Variants in MS4A12 observed in about 807,000 individuals in gnomAD.
MS4A12 encodes membrane-spanning 4-domains subfamily A member 12.
A neutral mutation model predicts 23.7 loss-of-function variants in MS4A12; 28 were observed. The ratio of observed to expected loss-of-function variants is 1.18; its 90% confidence interval spans 0.88 to 1.62. The LOEUF is 1.62. MS4A12 is among the 40% of genes most tolerant of loss of function. The probability of loss-of-function intolerance (pLI) is 0.00; values close to 1 mark genes in which losing one functional copy is unlikely to be tolerated. For synonymous variants in MS4A12, 108 were observed against 110.1 expected (o/e 0.98, Z 0.12); for missense variants, 342 against 327.0 (o/e 1.05, Z -0.35).
chr11:60,494,853 C>T (rs921819386), intron 1 of MS4A12, among the ~76,000 whole-genome samples: 1 of 152,050 alleles, frequency 6.6e-6, no homozygotes. Context: ...ATTTGGCCAC[C>T]GAAACCAGAT....
chr11:60,504,604 A>G (rs2086557173), intron 5 of MS4A12, among the ~76,000 whole-genome samples: 1 of 152,252 alleles, frequency 6.6e-6, no homozygotes, highest in Admixed American at 6.5e-5. Flanking sequence ...ACTGTGGGCT[A>G]CATATATCTT....
At chr11:60,494,991 T>C (rs1004296280) in intron 1 of MS4A12, among the ~76,000 whole-genome samples, 2 of 125,818 alleles carry the variant, frequency 1.6e-5, no homozygotes, top group African/African-American at 6.1e-5. Context: ...CTCAAATGTG[T>C]TTACATTTTT....
At position 60,497,867 on chromosome 11, in the gene MS4A12, A is replaced by G. The variant is rs530114984; in HGVS notation, c.276+273A>G. Reference sequence around the variant, plus strand: ...GCACTGTTACATCTAGCTTGATCTCATTTCTTCAAAGGACTTTTTGGACAA... The same window carrying G: ...GCACTGTTACATCTAGCTTGATCTCGTTTCTTCAAAGGACTTTTTGGACAA... On this transcript the variant is annotated intron_variant, in intron 2 of 6. Transcript: ENST00000016913. 5 of 317,772 alleles carry G rather than the reference A, an allele frequency of 1.6e-5. No homozygotes were observed. The South Asian group carries it at 2.6e-4, about 16-fold the overall frequency. The allele number at this position is 317,772 out of a possible 1,614,324, so 19.7% of individuals were successfully genotyped here. A position where few individuals can be genotyped will look rare whatever the true frequency, so the allele number is the denominator to read the frequency against.
chr11:60,497,179 AGT>A, intron 1 of MS4A12, 132 bp from the exon 2 acceptor site: 1 of 1,037,328 alleles, frequency 9.6e-7, no homozygotes, highest in South Asian at 1.7e-5. Flanking sequence ...TGTTTCTATC[AGT>A]TGTTATGGCC....
At chr11:60,497,924 C>G in intron 2 of MS4A12, 1 of 209,206 alleles carries the variant, frequency 4.8e-6, no homozygotes. Context: ...AGTTACAAGT[C>G]TGGTTTTTGC....
At position 60,507,066 on chromosome 11, in the gene MS4A12, C is replaced by G; in HGVS notation, c.746C>G (p.Pro249Arg). ...PNMYESNPVT[P>R]ASSSAPPRCN... is the part of the protein sequence containing the mutation. ...ATGTATGAAAGCAACCCTGTGACAC[C>G]AGCGTCTTCTTCAGCTCCTCCCAGA... Residue 249 changes from proline to arginine, a missense_variant, in exon 7 of 7, where the codon CCA (proline) becomes CGA (arginine). Pro to Arg is a moderately radical substitution (Grantham distance 103, BLOSUM62 -2). Transcript: ENST00000016913. 2 of 1,614,016 alleles carry G rather than the reference C, an allele frequency of 1.2e-6. No individual in the cohort carries two copies. Among genetic ancestry groups the G allele is most frequent in the Non-Finnish European group, 1.7e-6 (2 of 1,179,916 alleles).
At chr11:60,500,744 G>A (rs1301646663) in intron 2 of MS4A12, among the ~76,000 whole-genome samples, 1 of 152,154 alleles carries the variant, frequency 6.6e-6, no homozygotes. Context: ...TCTTTTAGAG[G>A]CCCTCAGAGA....
chr11:60,506,513 T>C (rs1248727794), intron 5 of MS4A12, among the ~76,000 whole-genome samples: 2 of 152,078 alleles, frequency 1.3e-5, no homozygotes, highest in African/African-American at 4.8e-5. Flanking sequence ...CTAAACAAAA[T>C]AGCCTACTTA....
At chr11:60,501,284 G>A (rs1014713029) in intron 3 of MS4A12, 102 bp downstream of exon 3, 65 of 1,282,804 alleles carry the variant, frequency 5.1e-5, no homozygotes, top group Non-Finnish European at 6.7e-5. Flanking sequence ...CTCATTTCTT[G>A]ATAAAGCCCT....
At chr11:60,495,155 G>C (rs1232877899) in intron 1 of MS4A12, among the ~76,000 whole-genome samples, 2 of 107,600 alleles carry the variant, frequency 1.9e-5, no homozygotes, top group African/African-American at 7.4e-5. Context: ...ACTACACCCG[G>C]CTAATTTTTT....
At chr11:60,494,996 A>ATT (rs11331718) in intron 1 of MS4A12, among the ~76,000 whole-genome samples, 7 of 141,164 alleles carry the variant, frequency 5.0e-5, no homozygotes, top group South Asian at 2.2e-4. Context: ...ATGTGTTTAC[A>ATT]TTTTTTTTTT....
At chr11:60,494,488 T>C (rs1319952394) in intron 1 of MS4A12, among the ~76,000 whole-genome samples, 1 of 152,222 alleles carries the variant, frequency 6.6e-6, no homozygotes, top group East Asian at 1.9e-4. Flanking sequence ...TTCTGGTTAA[T>C]TACTGTACTC....
At chr11:60,504,608 A>G (rs2086557210) in intron 5 of MS4A12, among the ~76,000 whole-genome samples, 3 of 152,262 alleles carry the variant, frequency 2.0e-5, no homozygotes, top group Non-Finnish European at 2.9e-5. Context: ...TGGGCTACAT[A>G]TATCTTAAGA....
intron 2 of MS4A12, 89 bp downstream of exon 2, chr11:60,497,683 T>C (rs771134484): frequency 3.6e-6 from 5 of 1,372,632 alleles, no homozygotes; most frequent in Non-Finnish European, 4.0e-6. Flanking sequence ...TGCTAAAAAG[T>C]TCTGAACGTT....
chr11:60,505,575 T>C (rs988500159), intron 5 of MS4A12, among the ~76,000 whole-genome samples: 10 of 152,120 alleles, frequency 6.6e-5, no homozygotes, highest in African/African-American at 2.2e-4. Context: ...ATCATTCTGA[T>C]GCTACTCAAA....
chr11:60,503,122 T>G (rs1368667604), intron 4 of MS4A12, among the ~76,000 whole-genome samples: 1 of 152,202 alleles, frequency 6.6e-6, no homozygotes, highest in Non-Finnish European at 1.5e-5. Flanking sequence ...TTGTAGAAAC[T>G]GGGGAAAGTT....
chr11:60,501,328 C>G (rs1232537275), intron 3 of MS4A12, 146 bp downstream of exon 3: 4 of 911,022 alleles, frequency 4.4e-6, no homozygotes, highest in Non-Finnish European at 4.7e-6. Context: ...GAAAAATTAA[C>G]AGCTCTGAAT....
rs775700798 is a variant in MS4A12 at position 60,497,475 on chromosome 11, G to A, written c.157G>A (p.Gly53Ser). ...AQGAQRAQPY[G>S]ITSPGIFASS... ...GGGTGCTCAGCGTGCTCAGCCCTAC[G>A]GCATCACATCTCCGGGAATCTTTGC... The change falls in exon 2 of 7, where the codon GGC becomes AGC. Residue 53 changes from glycine (G) to serine (S), a missense_variant. By Grantham distance (56) the Gly-to-Ser change is moderately conservative. Transcript: ENST00000016913. 109 of 1,613,986 alleles carry A rather than the reference G, an allele frequency of 6.8e-5. No homozygotes were observed. Among genetic ancestry groups the A allele is most frequent in the Non-Finnish European group, 8.5e-5 (100 of 1,180,022 alleles).
At chr11:60,505,870 G>A (rs1293396182) in intron 5 of MS4A12, among the ~76,000 whole-genome samples, 2 of 152,172 alleles carry the variant, frequency 1.3e-5, no homozygotes, top group Non-Finnish European at 2.9e-5. Flanking sequence ...GAGCAGAAAT[G>A]CACAGGAATG....
Sources: gnomAD v4.1 joint callset for allele counts (sites outside exome capture counted in the v4.1 genomes callset) on GRCh38, gnomAD v4.1.1 for gene constraint, MANE v1.5 for transcripts, NCBI Gene and HGNC (gene_info 2026-07-23, HGNC 2026-07-21) for gene names.